The following STPG2 variants were observed in gnomAD, a reference collection of about 807,000 sequenced individuals.
STPG2 encodes the protein sperm tail PG-rich repeat containing 2.
Under a neutral mutation model 54.2 loss-of-function variants are expected in STPG2, and 56 were observed. That is an observed-to-expected ratio of 1.03 (90% confidence interval 0.83 to 1.29). The LOEUF (loss-of-function observed/expected upper bound fraction) is 1.29. Ranked by LOEUF, STPG2 falls within the 50% of genes most tolerant of loss-of-function variation. The pLI is 0.00. For synonymous variants in STPG2, 200 were observed against 181.8 expected, an observed-to-expected ratio of 1.10 and a Z score of -0.81; for missense variants, 596 against 544.9, an observed-to-expected ratio of 1.09 and a Z score of -0.93.
chr4:97,580,682 G>A (rs903514538), intron 10 of STPG2, among the ~76,000 whole-genome samples: 5 of 151,840 alleles, frequency 3.3e-5, no homozygotes, highest in Non-Finnish European at 5.9e-5. Context: ...AAAGAAAAAG[G>A]AAAGTTTATG....
chr4:97,606,838 T>C (rs1282405768), intron 10 of STPG2, among the ~76,000 whole-genome samples: 6 of 151,924 alleles, frequency 3.9e-5, no homozygotes, highest in Admixed American at 3.9e-4. Flanking sequence ...ATTCTATAAA[T>C]ACAATTTACA....
At chr4:98,080,440 A>T (rs1168812267) in intron 5 of STPG2, among the ~76,000 whole-genome samples, 1 of 152,162 alleles carries the variant, frequency 6.6e-6, no homozygotes, top group Non-Finnish European at 1.5e-5. Context: ...TTGTTGCTTC[A>T]GTCACAAATG....
chr4:97,623,061 GC>G (rs1338588138), intron 10 of STPG2, among the ~76,000 whole-genome samples: 1 of 152,072 alleles, frequency 6.6e-6, no homozygotes, highest in Non-Finnish European at 1.5e-5. Flanking sequence ...TAACTGGCTA[GC>G]CCTATGCAGG....
intron 5 of STPG2, among the ~76,000 whole-genome samples, chr4:98,070,222 T>C (rs1288380035): frequency 6.6e-6 from 1 of 151,860 alleles, no homozygotes; most frequent in East Asian, 1.9e-4. Context: ...CATACACAAA[T>C]CAATAAATGT....
chr4:97,736,679 G>T (rs1185341232), intron 9 of STPG2, among the ~76,000 whole-genome samples: 1 of 152,208 alleles, frequency 6.6e-6, no homozygotes, highest in Non-Finnish European at 1.5e-5. Context: ...CATTGCCCAG[G>T]CTTGCTTAGG....
chr4:97,692,684 A>T (rs1413982479), intron 10 of STPG2, among the ~76,000 whole-genome samples: 1 of 152,198 alleles, frequency 6.6e-6, no homozygotes, highest in Non-Finnish European at 1.5e-5. Flanking sequence ...CAACTACAAG[A>T]AGTTAAAAGA....
intron 9 of STPG2, among the ~76,000 whole-genome samples, chr4:97,729,774 T>C (rs1724742228): frequency 6.6e-6 from 1 of 152,130 alleles, no homozygotes; most frequent in Non-Finnish European, 1.5e-5. Context: ...GCAATACAAT[T>C]TGTCACAAGT....
intron 7 of STPG2, among the ~76,000 whole-genome samples, chr4:97,952,186 C>T (rs749306138): frequency 6.6e-6 from 1 of 152,070 alleles, no homozygotes; most frequent in African/African-American, 2.4e-5. Flanking sequence ...ATGCAGTCAC[C>T]CTGAAATGTT....
chr4:98,015,728 A>C (rs1735922892), intron 5 of STPG2, among the ~76,000 whole-genome samples: 1 of 152,198 alleles, frequency 6.6e-6, no homozygotes, highest in African/African-American at 2.4e-5. Flanking sequence ...AAGGATTATA[A>C]ATCATTCTAC....
chr4:98,071,813 A>G (rs1455978005), intron 5 of STPG2, among the ~76,000 whole-genome samples: 3 of 152,216 alleles, frequency 2.0e-5, no homozygotes, highest in Non-Finnish European at 4.4e-5. Flanking sequence ...AAAAAGCTCA[A>G]CATCACTAAT....
intron 8 of STPG2, among the ~76,000 whole-genome samples, chr4:97,848,919 G>A (rs1251468688): frequency 6.6e-6 from 1 of 150,396 alleles, no homozygotes; most frequent in African/African-American, 2.5e-5. Context: ...AGTATAGCTT[G>A]AAGTCAGGTA....
intron 8 of STPG2, 94 bp from the exon 9 acceptor site, chr4:97,841,026 G>GA: frequency 8.3e-7 from 1 of 1,200,168 alleles, no homozygotes; most frequent in Non-Finnish European, 1.1e-6. Context: ...GCAATGAATA[G>GA]AAAAATCCTA....
chr4:97,992,722 T>C (rs1735060486), intron 5 of STPG2, among the ~76,000 whole-genome samples: 1 of 152,212 alleles, frequency 6.6e-6, no homozygotes, highest in Non-Finnish European at 1.5e-5. Flanking sequence ...ATTCTACCCA[T>C]CCAAGAGCAT....
In STPG2 at chr4:97,769,887, C is replaced by T. The variant is rs3894843; in HGVS notation, c.1205-57073G>A. Among the ~76,000 whole-genome samples, 401 of 152,098 alleles carry T rather than the reference C, an allele frequency of 2.6e-3. 2 individuals carry two copies. Among genetic ancestry groups the T allele is most frequent in the African/African-American group, 9.1e-3 (378 of 41,490 alleles). ...TATAAAGTTGAAATTCTGGAGGTGG[C>T]ATACTAATAATAAATAAATTAACAT... On this transcript the variant is annotated intron_variant, in intron 9 of 10. Transcript: ENST00000295268.
intron 10 of STPG2, among the ~76,000 whole-genome samples, chr4:97,684,410 G>C (rs1723123748): frequency 6.6e-6 from 1 of 151,862 alleles, no homozygotes; most frequent in South Asian, 2.1e-4. Flanking sequence ...ACAGAATAGG[G>C]AGCCCAGAAA....
chr4:98,086,666 GAAA>G (rs35225418), intron 5 of STPG2, among the ~76,000 whole-genome samples: 5 of 94,894 alleles, frequency 5.3e-5, no homozygotes, highest in South Asian at 3.9e-4. Flanking sequence ...ATGCATGCCA[GAAA>G]AAAAAAAAAA....
At chr4:97,923,840 G>C (rs1560592126) in intron 8 of STPG2, among the ~76,000 whole-genome samples, 1 of 152,202 alleles carries the variant, frequency 6.6e-6, no homozygotes. Flanking sequence ...CTCAGGGATT[G>C]TAAACACACC....
chr4:97,650,092 C>G (rs991494433), intron 10 of STPG2, among the ~76,000 whole-genome samples: 4 of 152,020 alleles, frequency 2.6e-5, no homozygotes, highest in African/African-American at 9.7e-5. Flanking sequence ...GGTTCATGCT[C>G]CCACAAGAAT....
chr4:97,742,850 T>C (rs920050141), intron 9 of STPG2, among the ~76,000 whole-genome samples: 1 of 151,666 alleles, frequency 6.6e-6, no homozygotes, highest in African/African-American at 2.4e-5. Context: ...AGCATGAGGA[T>C]GATAGTTAAT....
Sources: allele counts gnomAD v4.1 joint callset (sites outside exome capture counted in the v4.1 genomes callset), GRCh38; gene constraint gnomAD v4.1.1; transcripts MANE v1.5; gene names NCBI Gene and HGNC (gene_info 2026-07-23, HGNC 2026-07-21).